The following GNG7 variants were observed in gnomAD, a reference collection of about 807,000 sequenced individuals.
GNG7 encodes the protein G protein subunit gamma 7, also known as guanine nucleotide-binding protein G(I)/G(S)/G(O) subunit gamma-7.
In GNG7, 1 loss-of-function variant was observed where a neutral mutation model predicts 4.0. That is an observed-to-expected ratio of 0.25 (90% CI 0.09 to 1.18). The LOEUF (loss-of-function observed/expected upper bound fraction) is 1.18, where lower values mean the gene tolerates loss of function less well. Among genes scored for constraint, GNG7 ranks in the 50% most tolerant of loss-of-function variants. The probability of loss-of-function intolerance (pLI) is 0.50; values close to 1 mark genes in which losing one functional copy is unlikely to be tolerated. For missense variants in GNG7, 86 were observed against 91.9 expected (o/e 0.94, Z 0.26); for synonymous variants, 34 against 36.9 (o/e 0.92, Z 0.29).
intron 3 of GNG7, among the ~76,000 whole-genome samples, chr19:2,540,929 G>A (rs1018268708): frequency 2.0e-5 from 3 of 152,236 alleles, no homozygotes; most frequent in African/African-American, 7.2e-5. Flanking sequence ...AACCGACCAG[G>A]AGCCGCCGCC....
At position 2,513,650 on chromosome 19, in the gene GNG7, G is replaced by C; in HGVS notation, c.*1372C>G. 3 of 825,280 alleles carry C rather than the reference G, an allele frequency of 3.6e-6. No homozygotes were observed. Among genetic ancestry groups the C allele is most frequent in the Non-Finnish European group, 4.4e-6 (3 of 683,842 alleles). 51.1% of individuals were successfully genotyped at this position (825,280 alleles called of 1,614,324 possible). On this transcript the variant is annotated 3_prime_UTR_variant, in exon 5 of 5. Transcript: ENST00000382159. ...GTGGAAAAGCAAAAAGATCGGGTTC[G>C]AGCGACAGGGTAACGTTTTGAGCGG... is the stretch of plus-strand genomic sequence containing the variant.
intron 4 of GNG7, among the ~76,000 whole-genome samples, chr19:2,516,392 T>G (rs1036298642): frequency 6.6e-6 from 1 of 151,956 alleles, no homozygotes; most frequent in Admixed American, 6.6e-5. Flanking sequence ...GCCCAGCTAA[T>G]TTTTGTATTT....
intron 2 of GNG7, among the ~76,000 whole-genome samples, chr19:2,639,149 G>A (rs936983152): frequency 4.6e-5 from 7 of 151,650 alleles, no homozygotes; most frequent in African/African-American, 1.5e-4. Context: ...CGGGAGAATC[G>A]CTTGAACCCG....
intron 2 of GNG7, among the ~76,000 whole-genome samples, chr19:2,588,503 C>A (rs770075020): frequency 5.3e-5 from 8 of 152,226 alleles, no homozygotes; most frequent in Non-Finnish European, 1.2e-4. Context: ...TCAAAGGGCC[C>A]GTTCCCCCGG....
intron 4 of GNG7, 54 bp from the exon 5 acceptor site, chr19:2,515,201 C>G: frequency 2.5e-6 from 4 of 1,607,012 alleles, no homozygotes; most frequent in Non-Finnish European, 3.4e-6. Context: ...GGCTGGCACA[C>G]CCGGGTTCAC....
chr19:2,624,004 A>G (rs1055666808), intron 2 of GNG7, among the ~76,000 whole-genome samples: 2 of 152,104 alleles, frequency 1.3e-5, no homozygotes, highest in Admixed American at 1.3e-4. Context: ...TGCTGTGAAC[A>G]TGAGCGAACA....
rs1464737349 is a variant in GNG7 at position 2,634,408 on chromosome 19, T to C, written c.-78+11816A>G. ...CCGGGGTTGGGGGTGGGGGGCGGCA[T>C]CACCCAGATGACCCCTGCTATAGAG... is the stretch of plus-strand genomic sequence containing the variant. On this transcript the variant is annotated intron_variant, in intron 2 of 4. Transcript: ENST00000382159. The surrounding 1 kb of genome is among the most constrained non-coding windows in gnomAD (Gnocchi z 5.3). Among the ~76,000 whole-genome samples the C allele has an allele frequency of 6.6e-6, 1 of 152,140 alleles. No homozygotes were observed. Among genetic ancestry groups the C allele is most frequent in the African/African-American group, 2.4e-5 (1 of 41,416 alleles).
At position 2,532,150 on chromosome 19, in the gene GNG7, C is replaced by CAAA. The variant is rs370353680; in HGVS notation, c.-37-11428_-37-11426dup. On this transcript the variant is annotated intron_variant, in intron 3 of 4. Transcript: ENST00000382159. ...TGGGCAAAAGAACGAGACTCCGTCT[C>CAAA]AAAAAAAAAAACAAAAAAAAAAACA... Among the ~76,000 whole-genome samples the CAAA allele has an allele frequency of 4.9e-3, 141 of 28,776 alleles. 2 individuals carry two copies. In the Middle Eastern group the frequency reaches 0.096, roughly 20 times the overall value. 18.9% of individuals were successfully genotyped at this position (28,776 alleles called of 152,430 possible).
chr19:2,513,111 G>A lies in GNG7; in HGVS notation c.*1911C>T, dbSNP rs1200275443. 1.0e-6 allele frequency: 1 copy of A among 985,456 alleles called. No homozygotes were observed. The highest frequency in any genetic ancestry group is 6.1e-5 in the Admixed American group (1 of 16,270). The allele number at this position is 985,456 out of a possible 1,614,324, so 61.0% of individuals were successfully genotyped here. A position where few individuals can be genotyped will look rare whatever the true frequency, so the allele number is the denominator to read the frequency against. ...TGGGAGCTGCCCGAGGTTGAGGAGT[G>A]GAGGTCACTCCCCCGACACCTGCAC... On this transcript the variant is annotated 3_prime_UTR_variant, in exon 5 of 5. Coordinates refer to ENST00000382159, the MANE Select transcript of GNG7 (RefSeq NM_052847.3).
At chr19:2,594,261 T>A (rs1035971610) in intron 2 of GNG7, among the ~76,000 whole-genome samples, 2 of 151,964 alleles carry the variant, frequency 1.3e-5, no homozygotes, top group African/African-American at 4.8e-5. Context: ...TAGTCCCAGC[T>A]ACTTGGGAGG....
intron 1 of GNG7, among the ~76,000 whole-genome samples, chr19:2,696,846 C>T (rs551528004): frequency 6.8e-4 from 104 of 152,254 alleles, no homozygotes; most frequent in Admixed American, 1.2e-3. Flanking sequence ...AAAGATTTTA[C>T]TAGGTGATGG....
At chr19:2,613,456 C>T (rs1201410481) in intron 2 of GNG7, among the ~76,000 whole-genome samples, 1 of 151,660 alleles carries the variant, frequency 6.6e-6, no homozygotes, top group African/African-American at 2.4e-5. Context: ...CAAGAATAAA[C>T]TCCCGACGGG....
At chr19:2,519,597 A>ATTTTT (rs1170074823) in intron 4 of GNG7, among the ~76,000 whole-genome samples, 20,642 of 140,460 alleles carry the variant, frequency 0.15, 1,763 homozygotes, top group African/African-American at 0.19. Context: ...CACATGCAAA[A>ATTTTT]TTTTTTTTTT....
chr19:2,535,979 A>T, intron 3 of GNG7, among the ~76,000 whole-genome samples: 1 of 151,538 alleles, frequency 6.6e-6, no homozygotes, highest in East Asian at 1.9e-4. Context: ...AAGAAAATTA[A>T]CTGGGTGTGG....
At chr19:2,548,949 C>T (rs1023376183) in intron 3 of GNG7, among the ~76,000 whole-genome samples, 6 of 152,148 alleles carry the variant, frequency 3.9e-5, no homozygotes, top group Non-Finnish European at 5.9e-5. Context: ...GTTTGCATCC[C>T]GACAGGTTCA....
At chr19:2,607,981 A>G (rs2144819197) in intron 2 of GNG7, among the ~76,000 whole-genome samples, 1 of 151,076 alleles carries the variant, frequency 6.6e-6, no homozygotes, top group African/African-American at 2.4e-5. Context: ...AGACCACACC[A>G]TCCAGAAAGT....
intron 2 of GNG7, among the ~76,000 whole-genome samples, chr19:2,583,622 T>C (rs547219197): frequency 1.3e-5 from 2 of 152,266 alleles, no homozygotes; most frequent in African/African-American, 4.8e-5. Context: ...GGCCCATAAA[T>C]AGGATTGTGC....
chr19:2,639,631 T>A (rs1047885218), intron 2 of GNG7, among the ~76,000 whole-genome samples: 2 of 9,864 alleles, frequency 2.0e-4, no homozygotes, highest in Admixed American at 6.4e-4. Flanking sequence ...CTCGCAGGAA[T>A]TTAACTTAAA....
At chr19:2,648,809 C>T (rs889811537) in intron 1 of GNG7, among the ~76,000 whole-genome samples, 3 of 151,606 alleles carry the variant, frequency 2.0e-5, no homozygotes, top group African/African-American at 7.3e-5. Flanking sequence ...GCAGGAGGCC[C>T]AGACTCCTGC....
Sources: allele counts gnomAD v4.1 joint callset (sites outside exome capture counted in the v4.1 genomes callset), GRCh38; gene constraint gnomAD v4.1.1; non-coding constraint Gnocchi (gnomAD v3.1); transcripts MANE v1.5; gene names NCBI Gene and HGNC (gene_info 2026-07-23, HGNC 2026-07-21).